CORO2B: variants seen among roughly 807,000 people sequenced by gnomAD.
CORO2B encodes the protein coronin 2B.
Under a neutral mutation model 58.8 loss-of-function variants are expected in CORO2B, and 26 were observed. That is an observed-to-expected ratio of 0.44 (90% CI 0.32 to 0.61). The LOEUF is 0.61. Ranked by LOEUF, CORO2B falls within the 20% of genes least tolerant of loss-of-function variation. CORO2B has a pLI of 0.04. For synonymous variants in CORO2B, 242 were observed against 253.8 expected (o/e 0.95, Z 0.44); for missense variants, 460 against 645.1 (o/e 0.71, Z 3.11).
intron 1 of CORO2B, among the ~76,000 whole-genome samples, chr15:68,585,607 C>T (rs986672966): frequency 3.3e-5 from 5 of 152,126 alleles, no homozygotes; most frequent in African/African-American, 9.7e-5. Flanking sequence ...GGCCTTTGGT[C>T]CTGGGGCATG....
intron 2 of CORO2B, among the ~76,000 whole-genome samples, chr15:68,686,948 G>T (rs939486055): frequency 5.3e-5 from 8 of 152,050 alleles, no homozygotes; most frequent in African/African-American, 1.9e-4. Flanking sequence ...TTAACACAAG[G>T]CCTAGCACTT....
rs1305028238 is a variant in CORO2B at position 68,710,013 on chromosome 15, C to T, written c.334-719C>T. 1.3e-5 allele frequency among the ~76,000 whole-genome samples: 2 copies of T among 152,238 alleles called. No individual in the cohort carries two copies. The highest frequency in any genetic ancestry group is 4.8e-5 in the African/African-American group (2 of 41,458). On this transcript the variant is annotated intron_variant, in intron 3 of 11. Coordinates refer to ENST00000261861, the MANE Select transcript of CORO2B (RefSeq NM_006091.5). The surrounding 1 kb of genome is among the most constrained non-coding windows in gnomAD (Gnocchi z 4.1). ...TGATTCCAAGACTGCAGAGAAACAGCTCAGTCTCTCCCTGTCTGGGGCCAC... is the reference window on the plus strand; with the variant it reads ...TGATTCCAAGACTGCAGAGAAACAGTTCAGTCTCTCCCTGTCTGGGGCCAC...
intron 2 of CORO2B, among the ~76,000 whole-genome samples, chr15:68,656,116 G>A (rs1242228479): frequency 1.3e-5 from 2 of 151,540 alleles, no homozygotes; most frequent in Middle Eastern, 6.3e-3. Context: ...CTTCCAGATG[G>A]CCTTCCTCAT....
At position 68,696,086 on chromosome 15, in the gene CORO2B, TAA is replaced by T. The variant is rs57017874; in HGVS notation, c.333+843_333+844del. On this transcript the variant is annotated intron_variant, in intron 3 of 11. Coordinates refer to ENST00000261861, the MANE Select transcript of CORO2B (RefSeq NM_006091.5). ...CCCCCGTCTCTACAAAAAATTGAATTAAAAAAAAAAAAAACTAGGTGGGTGTG... is the reference window on the plus strand; with the variant it reads ...CCCCCGTCTCTACAAAAAATTGAATTAAAAAAAAAAAACTAGGTGGGTGTG... Among the ~76,000 whole-genome samples, 733 of 143,984 alleles carry T rather than the reference TAA, an allele frequency of 5.1e-3. 5 individuals are homozygous for T. Among genetic ancestry groups the T allele is most frequent in the African/African-American group, 0.016 (610 of 39,136 alleles). The allele number at this position is 143,984 out of a possible 152,430, so 94.5% of individuals were successfully genotyped here.
chr15:68,602,318 A>G (rs554383962), intron 1 of CORO2B, among the ~76,000 whole-genome samples: 5 of 151,408 alleles, frequency 3.3e-5, no homozygotes, highest in Non-Finnish European at 5.9e-5. Flanking sequence ...TTTTTTAAAC[A>G]CTCTTGGTGC....
At chr15:68,720,448 A>T (rs1182818877) in intron 11 of CORO2B, among the ~76,000 whole-genome samples, 1 of 152,206 alleles carries the variant, frequency 6.6e-6, no homozygotes, top group Non-Finnish European at 1.5e-5. Flanking sequence ...TTATTAGCTC[A>T]CAGTTTCTTT....
At chr15:68,537,918 G>T in the CORO2B span, among the ~76,000 whole-genome samples, 1 of 152,156 alleles carries the variant, frequency 6.6e-6, no homozygotes, top group African/African-American at 2.4e-5. Context: ...TAGAATACAT[G>T]GTTGGAGCTT....
intron 2 of CORO2B, among the ~76,000 whole-genome samples, chr15:68,669,190 G>A (rs184747384): frequency 1.7e-4 from 26 of 149,692 alleles, no homozygotes; most frequent in Non-Finnish European, 1.0e-4. Flanking sequence ...AAGAAAGGAA[G>A]CAAGCAAGCA....
chr15:68,535,548 G>A, the CORO2B span, among the ~76,000 whole-genome samples: 683 of 152,202 alleles, frequency 4.5e-3, 5 homozygotes, highest in African/African-American at 0.016. Context: ...TTATTATTAA[G>A]CTTTCATACA....
chr15:68,649,956 T>C (rs929795736), intron 2 of CORO2B, among the ~76,000 whole-genome samples: 2 of 152,172 alleles, frequency 1.3e-5, no homozygotes, highest in African/African-American at 4.8e-5. Flanking sequence ...ATGGACTGCA[T>C]TAAATGGTCT....
chr15:68,674,824 C>G (rs941689510), intron 2 of CORO2B, among the ~76,000 whole-genome samples: 5 of 152,184 alleles, frequency 3.3e-5, no homozygotes, highest in African/African-American at 1.2e-4. Flanking sequence ...TCCCTCAGAC[C>G]TGCCTTCAGG....
upstream of CORO2B, among the ~76,000 whole-genome samples, chr15:68,578,451 G>A (rs1413569144): frequency 1.3e-5 from 2 of 152,218 alleles, no homozygotes; most frequent in Non-Finnish European, 2.9e-5. This position sits in a 1 kb window ranked among gnomAD's most constrained non-coding sequence, Gnocchi z 4.2. Flanking sequence ...GCGGGAATTA[G>A]ATTCGAAAGA....
intron 1 of CORO2B, among the ~76,000 whole-genome samples, chr15:68,604,115 C>T (rs749526605): frequency 3.9e-5 from 6 of 152,216 alleles, no homozygotes; most frequent in East Asian, 1.9e-4. Flanking sequence ...GCACAGAGCC[C>T]GGCACACAGT....
chr15:68,649,359 A>T (rs1901561059), intron 2 of CORO2B, among the ~76,000 whole-genome samples: 1 of 152,200 alleles, frequency 6.6e-6, no homozygotes, highest in Admixed American at 6.5e-5. Flanking sequence ...CATTTCAAGA[A>T]GTTTTCACTT....
intron 3 of CORO2B, 112 bp downstream of exon 3, chr15:68,695,368 C>A: frequency 1.3e-6 from 1 of 767,036 alleles, no homozygotes; most frequent in South Asian, 1.5e-5. Context: ...CTTCCCTCCT[C>A]TTTGTCATCT....
the CORO2B span, among the ~76,000 whole-genome samples, chr15:68,543,909 C>T: frequency 6.6e-6 from 1 of 152,188 alleles, no homozygotes; most frequent in Admixed American, 6.5e-5. Flanking sequence ...TGACAGGAAG[C>T]CCCGCCATGA....
rs571017457 is a variant in CORO2B, at chr15:68,655,893, C to G, written c.216+10533C>G. Among the ~76,000 whole-genome samples, 5 of 152,194 alleles carry G rather than the reference C, an allele frequency of 3.3e-5. No individual in the cohort carries two copies. The South Asian group carries it at 8.3e-4, about 25-fold the overall frequency. On this transcript the variant is annotated intron_variant, in intron 2 of 11. Coordinates refer to ENST00000261861, the MANE Select transcript of CORO2B (RefSeq NM_006091.5). The stretch of plus-strand genomic sequence containing the variant: ...CAGTGACTCTCAGCACTTCAAGGAA[C>G]AAAAATGATTTAGGGTGCAGGAGGG...
the CORO2B span, among the ~76,000 whole-genome samples, chr15:68,565,411 A>G: frequency 1.6e-4 from 24 of 151,782 alleles, no homozygotes; most frequent in Non-Finnish European, 2.8e-4. Flanking sequence ...ATGTGGATGT[A>G]TGTTGCCTGC....
chr15:68,540,294 C>T, the CORO2B span, among the ~76,000 whole-genome samples: 7 of 152,202 alleles, frequency 4.6e-5, no homozygotes, highest in South Asian at 6.2e-4. Flanking sequence ...CTTAACATCA[C>T]GACCCATCAC....
Sources: allele counts gnomAD v4.1 joint callset (sites outside exome capture counted in the v4.1 genomes callset), GRCh38; gene constraint gnomAD v4.1.1; non-coding constraint Gnocchi (gnomAD v3.1); transcripts MANE v1.5; gene names NCBI Gene and HGNC (gene_info 2026-07-23, HGNC 2026-07-21).